The following ARHGAP42 variants were observed in gnomAD, a reference collection of about 807,000 sequenced individuals.
ARHGAP42 encodes the protein Rho GTPase activating protein 42.
A neutral mutation model predicts 125.0 loss-of-function variants in ARHGAP42; 63 were observed. That is an observed-to-expected ratio of 0.50 (90% confidence interval 0.41 to 0.62). The LOEUF (loss-of-function observed/expected upper bound fraction) is 0.62. Among genes scored for constraint, ARHGAP42 ranks in the 20% least tolerant of loss-of-function variants. The probability of loss-of-function intolerance (pLI) is 0.00; values close to 1 mark genes in which losing one functional copy is unlikely to be tolerated. For missense variants in ARHGAP42, 766 were observed against 1,024.2 expected (o/e 0.75, Z 3.44); for synonymous variants, 339 against 351.0 (o/e 0.97, Z 0.38).
chr11:100,803,500 C>A (rs1863914476), intron 3 of ARHGAP42, among the ~76,000 whole-genome samples: 1 of 152,110 alleles, frequency 6.6e-6, no homozygotes, highest in South Asian at 2.1e-4. Flanking sequence ...GTCTAATGTC[C>A]TCCTAGGGAG....
intron 3 of ARHGAP42, among the ~76,000 whole-genome samples, chr11:100,810,200 A>T (rs1236808434): frequency 2.0e-5 from 3 of 151,534 alleles, no homozygotes; most frequent in Non-Finnish European, 2.9e-5. Flanking sequence ...GTGTAAAATT[A>T]AAAAAAAATA....
rs139239717 is a variant in ARHGAP42, at chr11:100,864,846, G to A, written c.384+5221G>A. 7.2e-4 allele frequency among the ~76,000 whole-genome samples: 109 copies of A among 152,172 alleles called. 1 individual carries two copies. The highest frequency in any genetic ancestry group is 1.3e-3 in the Non-Finnish European group (89 of 67,998). On this transcript the variant is annotated intron_variant, in intron 4 of 23. Coordinates refer to ENST00000298815, the MANE Select transcript of ARHGAP42 (RefSeq NM_152432.4). ...CCCTTGAACCAAGCATAGTTAATAC[G>A]TTTCCCTTATTTTTGAAATACCCCT... is the stretch of plus-strand genomic sequence containing the variant.
chr11:100,872,666 T>C (rs1264534751), intron 4 of ARHGAP42, among the ~76,000 whole-genome samples: 2 of 152,192 alleles, frequency 1.3e-5, no homozygotes, highest in African/African-American at 2.4e-5. Context: ...GTGCTGAGAT[T>C]AATGAGATTT....
intron 10 of ARHGAP42, among the ~76,000 whole-genome samples, chr11:100,946,881 A>G (rs568658296): frequency 2.0e-5 from 3 of 152,112 alleles, no homozygotes; most frequent in Admixed American, 2.0e-4. Context: ...CAGGGTTGAC[A>G]CAAACAAACC....
At chr11:100,936,051 AG>A (rs1201981835) in intron 7 of ARHGAP42, among the ~76,000 whole-genome samples, 151 bp from the exon 8 acceptor site, 3 of 152,042 alleles carry the variant, frequency 2.0e-5, no homozygotes, top group Non-Finnish European at 4.4e-5. Flanking sequence ...TGTGCCCTGG[AG>A]GTCAAGGCTG....
rs35883788 is a variant in ARHGAP42 at position 100,871,545 on chromosome 11, T to TAAA, written c.384+11934_384+11936dup. 1.5e-3 allele frequency among the ~76,000 whole-genome samples: 197 copies of TAAA among 127,782 alleles called. 1 individual carries two copies. Among genetic ancestry groups the TAAA allele is most frequent in the East Asian group, 5.6e-3 (25 of 4,438 alleles). The allele number at this position is 127,782 out of a possible 152,430, so 83.8% of individuals were successfully genotyped here. A position where few individuals can be genotyped will look rare whatever the true frequency, so the allele number is the denominator to read the frequency against. ...TGGGTGACGGAGGGAGACTGTTTCT[T>TAAA]AAAAAAAAAAAAAAAAGAAAAAAGA... is the stretch of plus-strand genomic sequence containing the variant. On this transcript the variant is annotated intron_variant, in intron 4 of 23. Transcript: ENST00000298815.
In ARHGAP42 at chr11:100,968,092, G is replaced by C. The variant is rs186780432; in HGVS notation, c.1550+2316G>C. ...ATTTCTTTGTTTTAAAATCTATTTT[G>C]TATGATATTGGTACAGTTCTTCTGG... On this transcript the variant is annotated intron_variant, in intron 17 of 23. Coordinates refer to ENST00000298815, the MANE Select transcript of ARHGAP42 (RefSeq NM_152432.4). Among the ~76,000 whole-genome samples the C allele has an allele frequency of 1.8e-3, 275 of 152,168 alleles. 1 individual carries two copies. Among genetic ancestry groups the C allele is most frequent in the Non-Finnish European group, 8.7e-4 (59 of 67,994 alleles).
chr11:100,820,885 C>G (rs775921888), intron 3 of ARHGAP42, among the ~76,000 whole-genome samples: 1 of 151,590 alleles, frequency 6.6e-6, no homozygotes, highest in Non-Finnish European at 1.5e-5. Flanking sequence ...GTGACAAATG[C>G]AACGACCGGA....
At chr11:100,778,914 A>G (rs1281596262) in intron 2 of ARHGAP42, among the ~76,000 whole-genome samples, 1 of 152,154 alleles carries the variant, frequency 6.6e-6, no homozygotes, top group African/African-American at 2.4e-5. Flanking sequence ...GCCCAACAAA[A>G]AATAGCCCAG....
intron 12 of ARHGAP42, among the ~76,000 whole-genome samples, chr11:100,954,686 C>T (rs899994176): frequency 1.3e-5 from 2 of 151,988 alleles, no homozygotes; most frequent in African/African-American, 4.8e-5. Context: ...TGATCAGTTA[C>T]AGTTTTGTTT....
intron 4 of ARHGAP42, among the ~76,000 whole-genome samples, chr11:100,894,966 G>A (rs555335534): frequency 1.3e-5 from 2 of 152,298 alleles, no homozygotes; most frequent in South Asian, 2.1e-4. Flanking sequence ...TGTTCCTCAT[G>A]GGAGATGTGC....
chr11:100,808,395 CTTTTTTTTTT>C (rs398045483), intron 3 of ARHGAP42, among the ~76,000 whole-genome samples: 8 of 118,778 alleles, frequency 6.7e-5, no homozygotes, highest in Admixed American at 1.8e-4. Context: ...TAAATTCACT[CTTTTTTTTTT>C]TTTTTTTTTT....
chr11:100,742,700 T>A (rs1862214362), intron 1 of ARHGAP42, among the ~76,000 whole-genome samples: 1 of 152,204 alleles, frequency 6.6e-6, no homozygotes, highest in Non-Finnish European at 1.5e-5. Context: ...AGTACATTAA[T>A]GCCAGCAGAA....
chr11:100,694,857 C>T (rs145315152), intron 1 of ARHGAP42, among the ~76,000 whole-genome samples: 3,304 of 152,220 alleles, frequency 0.022, 41 homozygotes, highest in Middle Eastern at 0.048. Context: ...GGTGAAACTC[C>T]GTCTCTACTA....
chr11:100,783,830 C>A (rs554802477), intron 2 of ARHGAP42, among the ~76,000 whole-genome samples: 1 of 152,312 alleles, frequency 6.6e-6, no homozygotes, highest in South Asian at 2.1e-4. Flanking sequence ...ATTCCCTAAA[C>A]TTCTCTACCA....
At chr11:100,804,817 A>G (rs1863952439) in intron 3 of ARHGAP42, among the ~76,000 whole-genome samples, 1 of 152,156 alleles carries the variant, frequency 6.6e-6, no homozygotes, top group African/African-American at 2.4e-5. Flanking sequence ...TGGCCTAGAT[A>G]TTTAAGAAAG....
intron 3 of ARHGAP42, among the ~76,000 whole-genome samples, chr11:100,837,621 T>G (rs1378379752): frequency 1.4e-5 from 2 of 145,720 alleles, no homozygotes; most frequent in East Asian, 4.2e-4. Flanking sequence ...AGGGGAGAGG[T>G]TTTCCCGGAA....
intron 1 of ARHGAP42, among the ~76,000 whole-genome samples, chr11:100,732,311 CTT>C (rs1861974032): frequency 1.3e-5 from 2 of 152,128 alleles, no homozygotes; most frequent in Non-Finnish European, 2.9e-5. Flanking sequence ...GATTTTATCT[CTT>C]TTGTTTGCTG....
Position 100,881,304 on chromosome 11 carries a change from A to G in ARHGAP42, c.384+21679A>G, listed in dbSNP as rs375219404. ...TTCATTCTCTTACATGTGGCTTGCTAATTACCCCAGCATCATTTCTTGAAT... is the reference window on the plus strand; with the variant it reads ...TTCATTCTCTTACATGTGGCTTGCTGATTACCCCAGCATCATTTCTTGAAT... On this transcript the variant is annotated intron_variant, in intron 4 of 23. Coordinates refer to ENST00000298815, the MANE Select transcript of ARHGAP42 (RefSeq NM_152432.4). Among the ~76,000 whole-genome samples the G allele has an allele frequency of 3.7e-4, 57 of 152,270 alleles. No individual in the cohort carries two copies. In the South Asian group the frequency reaches 3.9e-3, roughly 11 times the overall value.
Sources: gnomAD v4.1 joint callset for allele counts (sites outside exome capture counted in the v4.1 genomes callset) on GRCh38, gnomAD v4.1.1 for gene constraint, MANE v1.5 for transcripts, NCBI Gene and HGNC (gene_info 2026-07-23, HGNC 2026-07-21) for gene names.